The following GRIA1 variants were observed in gnomAD, a reference collection of about 807,000 sequenced individuals.
GRIA1 encodes glutamate receptor 1.
Under a neutral mutation model 99.2 loss-of-function variants are expected in GRIA1, and 31 were observed. That is an observed-to-expected ratio of 0.31 (90% CI 0.23 to 0.42). The LOEUF (loss-of-function observed/expected upper bound fraction) is 0.42, where lower values mean the gene tolerates loss of function less well. GRIA1 is among the 10% of genes least tolerant of loss of function. GRIA1 has a pLI of 1.00. For synonymous variants in GRIA1, 438 were observed against 432.4 expected (o/e 1.01, Z -0.16); for missense variants, 782 against 1,157.5 (o/e 0.68, Z 4.71).
At chr5:153,532,659 C>A (rs1367116975) in intron 2 of GRIA1, among the ~76,000 whole-genome samples, 3 of 152,190 alleles carry the variant, frequency 2.0e-5, no homozygotes, top group Non-Finnish European at 4.4e-5. Flanking sequence ...ACCAGGCTCA[C>A]TGGATCACAT....
intron 2 of GRIA1, among the ~76,000 whole-genome samples, chr5:153,495,050 G>T (rs1754276539): frequency 6.6e-6 from 1 of 152,156 alleles, no homozygotes; most frequent in South Asian, 2.1e-4. Context: ...AGTTCTCAAT[G>T]ATTTGAATAG....
intron 7 of GRIA1, among the ~76,000 whole-genome samples, chr5:153,684,226 G>T (rs1757189525): frequency 6.6e-6 from 1 of 151,472 alleles, no homozygotes; most frequent in South Asian, 2.1e-4. Context: ...GAAATAATAT[G>T]TGTGCAAGTG....
In GRIA1 at chr5:153,792,600, A is replaced by C. The variant is rs1765368374; in HGVS notation, c.2271-2021A>C. On this transcript the variant is annotated intron_variant, in intron 13 of 15. Transcript: ENST00000285900. The stretch of plus-strand genomic sequence containing the variant: ...AGGTAACAAAACATAGGCAGTGGCT[A>C]TCTACTTACCCTAGCATTGAGCCTC... 3.3e-5 allele frequency among the ~76,000 whole-genome samples: 5 copies of C among 152,358 alleles called. No homozygotes were observed. In the South Asian group the frequency reaches 1.0e-3, roughly 32 times the overall value.
chr5:153,770,694 C>T (rs575924289), intron 13 of GRIA1, among the ~76,000 whole-genome samples: 2 of 152,300 alleles, frequency 1.3e-5, no homozygotes, highest in South Asian at 4.1e-4. Flanking sequence ...ATCAATGAAC[C>T]TTGTGCTTTT....
Position 153,750,204 on chromosome 5 carries a change from C to T in GRIA1, c.1824-14230C>T, listed in dbSNP as rs188281256. Among the ~76,000 whole-genome samples, 117 of 152,288 alleles carry T rather than the reference C, an allele frequency of 7.7e-4. 1 individual carries two copies. Among genetic ancestry groups the T allele is most frequent in the South Asian group, 6.2e-3 (30 of 4,822 alleles). On this transcript the variant is annotated intron_variant, in intron 11 of 15. Transcript: ENST00000285900. Reference sequence around the variant, plus strand: ...GCACTAATTACCCTGGTCTAGGAACCTCGATGCCCAGTATCAAGTGAGCCT... The same window carrying T: ...GCACTAATTACCCTGGTCTAGGAACTTCGATGCCCAGTATCAAGTGAGCCT...
intron 2 of GRIA1, among the ~76,000 whole-genome samples, chr5:153,631,058 G>A (rs1421792039): frequency 6.6e-6 from 1 of 152,150 alleles, no homozygotes; most frequent in East Asian, 1.9e-4. Context: ...CCACTCTCTT[G>A]TTTACTCTTT....
chr5:153,556,288 T>TG (rs11385736), intron 2 of GRIA1, among the ~76,000 whole-genome samples: 70,759 of 151,798 alleles, frequency 0.47, 18,225 homozygotes, highest in Non-Finnish European at 0.59. Context: ...CATTTAGTTA[T>TG]GGCCAAGAAA....
intron 2 of GRIA1, among the ~76,000 whole-genome samples, chr5:153,502,202 C>T (rs949577902): frequency 2.6e-5 from 4 of 152,168 alleles, no homozygotes; most frequent in African/African-American, 9.7e-5. Flanking sequence ...GTCACTTGAA[C>T]ACGTGTCTTA....
At position 153,698,881 on chromosome 5, in the gene GRIA1, G is replaced by C; in HGVS notation, c.1260G>C (p.Val420=). ...TTCTCTTCCAGGAAGATCCTTATGT[G>C]ATGCTCAAGAAGAACGCCAATCAGT... The part of the protein sequence containing the change: ...IVTTILEDPY[V]MLKKNANQFE... Residue 420 remains valine, a synonymous_variant, in exon 10 of 16, where the codon GTG becomes GTC. Coordinates refer to ENST00000285900, the MANE Select transcript of GRIA1 (RefSeq NM_000827.4). 6.2e-7 allele frequency: 1 copy of C among 1,611,484 alleles called. No individual in the cohort carries two copies. Among genetic ancestry groups the C allele is most frequent in the Non-Finnish European group, 8.5e-7 (1 of 1,177,570 alleles).
At chr5:153,523,016 A>ATCTCTCTCTCTCTCTCTCTCTC in intron 2 of GRIA1, among the ~76,000 whole-genome samples, 1 of 141,556 alleles carries the variant, frequency 7.1e-6, no homozygotes, top group Non-Finnish European at 1.5e-5. Context: ...TGTTCCTGAT[A>ATCTCTCTCTCTCTCTCTCTCTC]TCTCTCTCTC....
chr5:153,705,319 G>C (rs999980760), intron 10 of GRIA1, among the ~76,000 whole-genome samples: 7 of 152,192 alleles, frequency 4.6e-5, no homozygotes, highest in Admixed American at 1.3e-4. Context: ...TGTAGCCAGA[G>C]TGATCAGACC....
Position 153,570,645 on chromosome 5 carries a change from A to T in GRIA1, c.221-76283A>T, listed in dbSNP as rs75048823. Reference sequence around the variant, plus strand: ...GATAAATTTCTGATATCCTTCTGAAAATTAACTTAGTAGCTTTGTGACCTC... The same window carrying T: ...GATAAATTTCTGATATCCTTCTGAATATTAACTTAGTAGCTTTGTGACCTC... On this transcript the variant is annotated intron_variant, in intron 2 of 15. Coordinates refer to ENST00000285900, the MANE Select transcript of GRIA1 (RefSeq NM_000827.4). Among the ~76,000 whole-genome samples, 20 of 152,306 alleles carry T rather than the reference A, an allele frequency of 1.3e-4. No individual in the cohort carries two copies. In the East Asian group the frequency reaches 3.9e-3, roughly 29 times the overall value.
intron 2 of GRIA1, among the ~76,000 whole-genome samples, chr5:153,634,439 G>A (rs1753206376): frequency 6.6e-6 from 1 of 152,178 alleles, no homozygotes; most frequent in Non-Finnish European, 1.5e-5. Context: ...AAGAGGGTTG[G>A]AAGAGCTTTC....
intron 2 of GRIA1, among the ~76,000 whole-genome samples, chr5:153,504,373 A>G (rs1318352242): frequency 2.6e-5 from 4 of 151,816 alleles, no homozygotes; most frequent in African/African-American, 7.3e-5. Context: ...CTATCTATAT[A>G]TAGATGTAAA....
intron 15 of GRIA1, among the ~76,000 whole-genome samples, chr5:153,805,217 A>G (rs1766347985): frequency 6.6e-6 from 1 of 152,186 alleles, no homozygotes; most frequent in South Asian, 2.1e-4. Flanking sequence ...ATTTCAAATA[A>G]TAGTTGTTAC....
intron 13 of GRIA1, among the ~76,000 whole-genome samples, chr5:153,788,141 A>T (rs1765086902): frequency 6.6e-6 from 1 of 151,626 alleles, no homozygotes; most frequent in African/African-American, 2.4e-5. Flanking sequence ...TCCCAAATCC[A>T]TCTCTTTTTA....
chr5:153,491,729 TCTC>T (rs1753937580), intron 1 of GRIA1, among the ~76,000 whole-genome samples: 2 of 152,058 alleles, frequency 1.3e-5, no homozygotes, highest in South Asian at 4.2e-4. Flanking sequence ...CATGCTCCTT[TCTC>T]CTCCTGTTGG....
rs1561668220 is a variant in GRIA1 at position 153,590,212 on chromosome 5, A to T, written c.221-56716A>T. Among the ~76,000 whole-genome samples the T allele has an allele frequency of 7.4e-5, 11 of 148,416 alleles. No individual in the cohort carries two copies. The Admixed American group carries it at 7.6e-4, about 10-fold the overall frequency. On this transcript the variant is annotated intron_variant, in intron 2 of 15. Coordinates refer to ENST00000285900, the MANE Select transcript of GRIA1 (RefSeq NM_000827.4). ...AGTTTCCTTCAAAAAGCGTTCATAA[A>T]TTACATCAGTTCGAAAAAATTGCAT...
intron 2 of GRIA1, among the ~76,000 whole-genome samples, chr5:153,625,325 C>T (rs144080125): frequency 4.2e-4 from 64 of 152,336 alleles, no homozygotes; most frequent in Non-Finnish European, 2.4e-4. Flanking sequence ...CAGCCCAGCC[C>T]CAGCTATTCA....
Sources: allele counts gnomAD v4.1 joint callset (sites outside exome capture counted in the v4.1 genomes callset), GRCh38; gene constraint gnomAD v4.1.1; transcripts MANE v1.5; gene names NCBI Gene and HGNC (gene_info 2026-07-23, HGNC 2026-07-21).